Variants in TPST1 observed in about 807,000 individuals in gnomAD.
The protein encoded by TPST1 is protein-tyrosine sulfotransferase 1.
In TPST1, 20 loss-of-function variants were observed where a neutral mutation model predicts 34.8. The ratio of observed to expected loss-of-function variants is 0.57; its 90% confidence interval spans 0.40 to 0.84. TPST1 has a LOEUF of 0.84. Ranked by LOEUF, TPST1 falls within the 40% of genes least tolerant of loss-of-function variation. TPST1 has a pLI of 0.00. For missense variants in TPST1, 353 were observed against 455.5 expected (o/e 0.78, Z 2.05); for synonymous variants, 152 against 159.4 (o/e 0.95, Z 0.35).
At chr7:66,329,315 A>G (rs1791949439) in intron 3 of TPST1, among the ~76,000 whole-genome samples, 1 of 152,114 alleles carries the variant, frequency 6.6e-6, no homozygotes, top group Admixed American at 6.6e-5. Context: ...AATTTTTTAT[A>G]GAGAAACCTG....
chr7:66,203,149 G>C (rs1044862806), upstream of TPST1, among the ~76,000 whole-genome samples: 9 of 150,502 alleles, frequency 6.0e-5, no homozygotes, highest in South Asian at 8.4e-4. Flanking sequence ...ATCTATCTCT[G>C]TGTGTGTGTG....
chr7:66,232,711 T>C (rs1230594847), intron 1 of TPST1, among the ~76,000 whole-genome samples: 1 of 152,332 alleles, frequency 6.6e-6, no homozygotes, highest in East Asian at 1.9e-4. Context: ...TCATACTGTG[T>C]TGCCCATGCT....
chr7:66,199,640 C>T, the TPST1 span, among the ~76,000 whole-genome samples: 1 of 151,886 alleles, frequency 6.6e-6, no homozygotes, highest in Admixed American at 6.6e-5. Context: ...CCATTTCCCA[C>T]CTCTGCCACC....
intron 3 of TPST1, among the ~76,000 whole-genome samples, chr7:66,338,655 A>G (rs999222794): frequency 4.6e-5 from 7 of 152,234 alleles, no homozygotes; most frequent in African/African-American, 1.7e-4. Context: ...CTAGAAATCT[A>G]TAATCAGAGG....
intron 2 of TPST1, among the ~76,000 whole-genome samples, chr7:66,266,830 C>T (rs979857504): frequency 6.6e-6 from 1 of 152,016 alleles, no homozygotes; most frequent in African/African-American, 2.4e-5. Context: ...TAGCTAAAAC[C>T]AATCTTTTGT....
At chr7:66,294,944 T>G (rs1791162975) in intron 3 of TPST1, among the ~76,000 whole-genome samples, 1 of 152,138 alleles carries the variant, frequency 6.6e-6, no homozygotes, top group Non-Finnish European at 1.5e-5. Flanking sequence ...AGAAGCCACC[T>G]TAAATTCTTT....
intron 3 of TPST1, among the ~76,000 whole-genome samples, chr7:66,331,617 A>T (rs1224983708): frequency 6.6e-6 from 1 of 152,222 alleles, no homozygotes; most frequent in Non-Finnish European, 1.5e-5. Flanking sequence ...TCAAAAGAAA[A>T]TTAGCAATTG....
intron 2 of TPST1, among the ~76,000 whole-genome samples, chr7:66,274,485 A>G (rs1790768490): frequency 6.6e-6 from 1 of 152,270 alleles, no homozygotes; most frequent in South Asian, 2.1e-4. Context: ...CTGTATAACT[A>G]TCAGAAGAAG....
intron 1 of TPST1, among the ~76,000 whole-genome samples, chr7:66,207,519 C>T (rs1213418015): frequency 6.6e-6 from 1 of 152,170 alleles, no homozygotes; most frequent in African/African-American, 2.4e-5. Flanking sequence ...AGGTTTCCAC[C>T]ATTCAGACCA....
chr7:66,240,541 G>T lies in TPST1; in HGVS notation c.116G>T (p.Ser39Ile). 6.2e-7 allele frequency: 1 copy of T among 1,614,182 alleles called. No individual in the cohort carries two copies. Among genetic ancestry groups the T allele is most frequent in the East Asian group, 2.2e-5 (1 of 44,888 alleles). Residue 39 changes from serine to isoleucine, a missense_variant, in exon 2 of 6, where the codon AGC (serine) becomes ATC (isoleucine). By Grantham distance (142) the Ser-to-Ile change is moderately radical. Transcript: ENST00000304842. The stretch of plus-strand genomic sequence containing the variant: ...TGCCATCACCGGATAGAGGAACGTA[G>T]CCAGCCAGTCAAATTGGAGAGCACA... Reference protein sequence around the residue: ...MECHHRIEERSQPVKLESTRT... With the variant: ...MECHHRIEERIQPVKLESTRT...
intron 3 of TPST1, among the ~76,000 whole-genome samples, chr7:66,341,993 GA>G (rs2116331509): frequency 6.6e-6 from 1 of 152,170 alleles, no homozygotes; most frequent in East Asian, 1.9e-4. Flanking sequence ...GACTTAGAGA[GA>G]AAAGATAAGA....
intron 3 of TPST1, among the ~76,000 whole-genome samples, chr7:66,302,289 AG>A (rs1251800885): frequency 4.6e-5 from 7 of 152,118 alleles, no homozygotes; most frequent in African/African-American, 1.7e-4. Context: ...CATTTAGACG[AG>A]GGGTTCATTT....
chr7:66,213,334 G>T lies in TPST1; in HGVS notation c.-102+7812G>T, dbSNP rs140770970. Among the ~76,000 whole-genome samples, 526 of 152,056 alleles carry T rather than the reference G, an allele frequency of 3.5e-3. 8 individuals are homozygous for T. The highest frequency in any genetic ancestry group is 0.033 in the Admixed American group (507 of 15,268). ...TGTGTTATATTCATTCTGCTGTTGA[G>T]CTAACCCACCGAGTTATTATTTTGG... is the stretch of plus-strand genomic sequence containing the variant. On this transcript the variant is annotated intron_variant, in intron 1 of 5. Coordinates refer to ENST00000304842, the MANE Select transcript of TPST1 (RefSeq NM_003596.4).
intron 3 of TPST1, among the ~76,000 whole-genome samples, chr7:66,343,113 CCACCA>C (rs1394475591): frequency 6.6e-6 from 1 of 152,140 alleles, no homozygotes; most frequent in Non-Finnish European, 1.5e-5. Flanking sequence ...ACACACCTCA[CCACCA>C]CACCAATCAG....
intron 2 of TPST1, among the ~76,000 whole-genome samples, chr7:66,257,033 A>G (rs989733078): frequency 1.3e-5 from 2 of 151,278 alleles, no homozygotes; most frequent in East Asian, 1.9e-4. Context: ...TGCAGTCTCA[A>G]CCTCCTGGGT....
chr7:66,327,988 TTC>T (rs1791902999), intron 3 of TPST1, among the ~76,000 whole-genome samples: 1 of 150,378 alleles, frequency 6.6e-6, no homozygotes, highest in African/African-American at 2.4e-5. Context: ...GTGTTTTTTT[TTC>T]TTTCTTTTTT....
upstream of TPST1, among the ~76,000 whole-genome samples, chr7:66,202,975 C>G (rs1035823417): frequency 6.6e-6 from 1 of 152,086 alleles, no homozygotes; most frequent in Non-Finnish European, 1.5e-5. Flanking sequence ...ACTGGGGAGG[C>G]TGAGGCTGAA....
At position 66,356,881 on chromosome 7, in the gene TPST1, G is replaced by T; in HGVS notation, c.*29+10G>T. 6.2e-7 allele frequency: 1 copy of T among 1,613,934 alleles called. No homozygotes were observed. The highest frequency in any genetic ancestry group is 8.5e-7 in the Non-Finnish European group (1 of 1,179,886). On this transcript the variant is annotated intron_variant, in intron 5 of 5. Coordinates refer to ENST00000304842, the MANE Select transcript of TPST1 (RefSeq NM_003596.4). Reference sequence around the variant, plus strand: ...CTCTTCCATACATGAGGTGAGGGTTGGGGGACATTGCCAGGTCTTTCTGTT... The same window carrying T: ...CTCTTCCATACATGAGGTGAGGGTTTGGGGACATTGCCAGGTCTTTCTGTT...
chr7:66,252,848 T>C (rs770585542), intron 2 of TPST1, among the ~76,000 whole-genome samples: 11 of 152,214 alleles, frequency 7.2e-5, no homozygotes, highest in Non-Finnish European at 1.3e-4. Context: ...AAAACAAATT[T>C]CTTTTCATGT....
Sources: allele counts gnomAD v4.1 joint callset (sites outside exome capture counted in the v4.1 genomes callset), GRCh38; gene constraint gnomAD v4.1.1; transcripts MANE v1.5; gene names NCBI Gene and HGNC (gene_info 2026-07-23, HGNC 2026-07-21).